The following KCNH5 variants were observed in gnomAD, a reference collection of about 807,000 sequenced individuals.
KCNH5 encodes the protein voltage-gated delayed rectifier potassium channel KCNH5.
KCNH5 carries 46 observed loss-of-function variants against 96.1 expected under a neutral mutation model. The observed-to-expected ratio is 0.48, with a 90% CI of 0.38 to 0.61. KCNH5 has a LOEUF of 0.61. Ranked by LOEUF, KCNH5 falls within the 20% of genes least tolerant of loss-of-function variation. The pLI is 0.00. For synonymous variants in KCNH5, 439 were observed against 449.8 expected (o/e 0.98, Z 0.30); for missense variants, 907 against 1,225.8 (o/e 0.74, Z 3.88).
intron 6 of KCNH5, among the ~76,000 whole-genome samples, chr14:62,973,172 T>C (rs914661728): frequency 6.6e-6 from 1 of 152,114 alleles, no homozygotes; most frequent in African/African-American, 2.4e-5. Flanking sequence ...CTAAAAGCGG[T>C]CTTAAAAATT....
rs562350568 is a variant in KCNH5 at position 62,886,262 on chromosome 14, A to G, written c.1370-36410T>C. Among the ~76,000 whole-genome samples the G allele has an allele frequency of 2.0e-3, 312 of 152,294 alleles. 1 individual carries two copies. Among genetic ancestry groups the G allele is most frequent in the Non-Finnish European group, 2.2e-3 (152 of 68,012 alleles). On this transcript the variant is annotated intron_variant, in intron 7 of 10. Transcript: ENST00000322893. ...GCTTCCTCTGGAACCCATCAACCCA[A>G]AAGATAACAGATAAGCACGAAGCAA...
chr14:62,868,590 T>C (rs765826000), intron 7 of KCNH5, among the ~76,000 whole-genome samples: 2 of 152,158 alleles, frequency 1.3e-5, no homozygotes, highest in Non-Finnish European at 2.9e-5. Context: ...TTCTGGGACA[T>C]ATGTGCTGAA....
chr14:62,705,576 T>C lies in KCNH5; in HGVS notation c.*1932A>G, dbSNP rs565973269. On this transcript the variant is annotated 3_prime_UTR_variant, in exon 11 of 11. Coordinates refer to ENST00000322893, the MANE Select transcript of KCNH5 (RefSeq NM_139318.5). ...CGTGTTCCCCTGAAAACTTCCATTA[T>C]GGTTAATGGAAGTTATACGCATAAA... is the stretch of plus-strand genomic sequence containing the variant. The C allele has an allele frequency of 6.6e-6, 1 of 152,122 alleles. No individual in the cohort carries two copies. Among genetic ancestry groups the C allele is most frequent in the East Asian group, 1.9e-4 (1 of 5,182 alleles). 9.4% of individuals were successfully genotyped at this position (152,122 alleles called of 1,614,324 possible).
intron 7 of KCNH5, among the ~76,000 whole-genome samples, chr14:62,887,068 G>A (rs1220343925): frequency 6.6e-6 from 1 of 152,066 alleles, no homozygotes; most frequent in East Asian, 1.9e-4. Flanking sequence ...TACATAATTA[G>A]CCCCTTGCTC....
chr14:62,899,855 T>C (rs1053605438), intron 7 of KCNH5, among the ~76,000 whole-genome samples: 7 of 150,958 alleles, frequency 4.6e-5, no homozygotes, highest in Non-Finnish European at 8.9e-5. Context: ...AAAAATTGAA[T>C]TAAAAAAATT....
At chr14:62,990,698 A>T (rs1347400853) in intron 4 of KCNH5, among the ~76,000 whole-genome samples, 1 of 152,036 alleles carries the variant, frequency 6.6e-6, no homozygotes, top group Non-Finnish European at 1.5e-5. Context: ...GCCAGATCTT[A>T]TATTTTCTAT....
chr14:62,782,841 A>G (rs1488574620), intron 9 of KCNH5, among the ~76,000 whole-genome samples: 1 of 152,128 alleles, frequency 6.6e-6, no homozygotes, highest in African/African-American at 2.4e-5. Context: ...ATGAAATAAA[A>G]AAAATAACCA....
intron 7 of KCNH5, among the ~76,000 whole-genome samples, chr14:62,920,555 T>C (rs529883748): frequency 2.6e-5 from 4 of 152,114 alleles, no homozygotes; most frequent in African/African-American, 9.6e-5. Context: ...AGTTCCAAGA[T>C]AATCCCTCAA....
chr14:62,924,362 C>G (rs1184745804), intron 7 of KCNH5, among the ~76,000 whole-genome samples: 2 of 151,942 alleles, frequency 1.3e-5, no homozygotes, highest in Non-Finnish European at 2.9e-5. Flanking sequence ...CACTTATACA[C>G]TGTTGGTGGG....
At chr14:62,900,721 A>G (rs1487133530) in intron 7 of KCNH5, among the ~76,000 whole-genome samples, 1 of 152,180 alleles carries the variant, frequency 6.6e-6, no homozygotes, top group African/African-American at 2.4e-5. Context: ...AGATAAGAGC[A>G]AATTTTAATG....
At chr14:62,760,082 T>C (rs1885714812) in intron 10 of KCNH5, among the ~76,000 whole-genome samples, 2 of 152,078 alleles carry the variant, frequency 1.3e-5, no homozygotes, top group African/African-American at 2.4e-5. Context: ...TTTTGTGGAG[T>C]TGCAAATCCA....
intron 9 of KCNH5, among the ~76,000 whole-genome samples, chr14:62,794,364 A>G (rs1886495948): frequency 6.6e-6 from 1 of 152,048 alleles, no homozygotes; most frequent in East Asian, 1.9e-4. Flanking sequence ...ATTCTATTTC[A>G]AAATTCCTGT....
At chr14:62,953,228 G>C (rs961770804) in intron 6 of KCNH5, among the ~76,000 whole-genome samples, 3 of 151,794 alleles carry the variant, frequency 2.0e-5, no homozygotes, top group African/African-American at 7.3e-5. Flanking sequence ...TCTGCCATAG[G>C]TTCTATGGCA....
intron 9 of KCNH5, among the ~76,000 whole-genome samples, chr14:62,793,476 C>T (rs1169020107): frequency 1.3e-5 from 2 of 151,620 alleles, no homozygotes; most frequent in African/African-American, 4.8e-5. Context: ...AGGTGTGTTG[C>T]TGTGATAGAA....
intron 1 of KCNH5, among the ~76,000 whole-genome samples, chr14:63,026,500 C>G (rs868150201): frequency 4.3e-4 from 61 of 141,908 alleles, no homozygotes; most frequent in African/African-American, 1.6e-3. Context: ...AGAAACTCAA[C>G]TTGATAGTAA....
At chr14:63,010,356 G>A (rs1003145) in intron 2 of KCNH5, among the ~76,000 whole-genome samples, 1,859 of 152,234 alleles carry the variant, frequency 0.012, 29 homozygotes, top group African/African-American at 0.032. Flanking sequence ...TGGAATGTAC[G>A]GATGGGACTA....
chr14:63,005,386 A>G (rs1331377607), intron 3 of KCNH5, among the ~76,000 whole-genome samples: 2 of 152,214 alleles, frequency 1.3e-5, no homozygotes, highest in Non-Finnish European at 2.9e-5. Flanking sequence ...AAAATGTTTC[A>G]AGTAAATGGA....
chr14:62,946,208 A>C (rs1039261890), intron 7 of KCNH5, among the ~76,000 whole-genome samples: 1 of 152,128 alleles, frequency 6.6e-6, no homozygotes, highest in African/African-American at 2.4e-5. Context: ...TTATTAATAG[A>C]TGTAACATAG....
At chr14:62,709,440 G>A (rs960668853) in intron 10 of KCNH5, among the ~76,000 whole-genome samples, 2 of 152,166 alleles carry the variant, frequency 1.3e-5, no homozygotes, top group African/African-American at 4.8e-5. Context: ...CACCAGCTTA[G>A]TACACAGACT....
Sources: gnomAD v4.1 joint callset for allele counts (sites outside exome capture counted in the v4.1 genomes callset) on GRCh38, gnomAD v4.1.1 for gene constraint, MANE v1.5 for transcripts, NCBI Gene and HGNC (gene_info 2026-07-23, HGNC 2026-07-21) for gene names.